EML6: variants seen among roughly 807,000 people sequenced by gnomAD.
The protein encoded by EML6 is echinoderm microtubule-associated protein-like 6.
In EML6, 154 loss-of-function variants were observed where a neutral mutation model predicts 240.1. The ratio of observed to expected loss-of-function variants is 0.64; its 90% CI spans 0.56 to 0.73. The LOEUF is 0.73. EML6 is among the 30% of genes least tolerant of loss of function. The pLI is 0.00. For missense variants in EML6, 2,964 were observed against 2,474.6 expected (o/e 1.20, Z -4.20); for synonymous variants, 1,148 against 899.0 (o/e 1.28, Z -4.95).
Position 54,962,724 on chromosome 2 carries a change from C to T in EML6, c.5157+13C>T, listed in dbSNP as rs1199106926. The stretch of plus-strand genomic sequence containing the variant: ...CCTGGCTGACAAGGTGAGGCCGACT[C>T]TGCCCAAACTCAGATGCCCACGAGT... On this transcript the variant is annotated intron_variant, in intron 36 of 41. Transcript: ENST00000356458. The T allele has an allele frequency of 1.4e-6, 2 of 1,459,712 alleles. No individual in the cohort carries two copies. Among genetic ancestry groups the T allele is most frequent in the Admixed American group, 2.7e-5 (1 of 36,608 alleles). The allele number at this position is 1,459,712 out of a possible 1,614,324, so 90.4% of individuals were successfully genotyped here. A position where few individuals can be genotyped will look rare whatever the true frequency, so the allele number is the denominator to read the frequency against.
chr2:54,906,302 G>C (rs773547215), intron 24 of EML6, among the ~76,000 whole-genome samples: 1 of 152,144 alleles, frequency 6.6e-6, no homozygotes, highest in Non-Finnish European at 1.5e-5. Flanking sequence ...AAATGTATAG[G>C]CCCTGTGTCA....
intron 2 of EML6, among the ~76,000 whole-genome samples, chr2:54,809,879 G>A (rs1464567568): frequency 6.6e-6 from 1 of 152,076 alleles, no homozygotes; most frequent in Admixed American, 6.6e-5. Flanking sequence ...GATGAGACAT[G>A]GATGCCATTT....
At chr2:54,734,253 G>A (rs1050198439) in intron 2 of EML6, among the ~76,000 whole-genome samples, 12 of 152,318 alleles carry the variant, frequency 7.9e-5, no homozygotes, top group East Asian at 7.7e-4. Context: ...CGGGAGAATC[G>A]TTTGAACCCA....
intron 26 of EML6, among the ~76,000 whole-genome samples, chr2:54,918,425 T>G (rs948226266): frequency 6.6e-6 from 1 of 152,240 alleles, no homozygotes; most frequent in African/African-American, 2.4e-5. Flanking sequence ...CACCGCTCAC[T>G]GCAGCCTCTA....
chr2:54,896,025 G>T (rs1328518432), intron 21 of EML6, among the ~76,000 whole-genome samples: 3 of 152,182 alleles, frequency 2.0e-5, no homozygotes, highest in African/African-American at 7.2e-5. Context: ...CACTCAAAGG[G>T]AGGTGATTAT....
At chr2:54,850,302 C>T (rs939406654) in intron 10 of EML6, 84 bp downstream of exon 10, 6 of 1,276,106 alleles carry the variant, frequency 4.7e-6, no homozygotes, top group Non-Finnish European at 5.4e-6. Flanking sequence ...TGTCATGGCT[C>T]TTTTAGAATT....
At chr2:54,849,240 A>G (rs1433433924) in intron 9 of EML6, among the ~76,000 whole-genome samples, 1 of 152,202 alleles carries the variant, frequency 6.6e-6, no homozygotes, top group East Asian at 1.9e-4. Flanking sequence ...TGGGCTATCC[A>G]TCACCTTAAA....
rs200439786 is a variant in EML6 at position 54,744,962 on chromosome 2, A to ACC, written c.197+19706_197+19707dup. ...CACACACACACACACACACACACAC[A>ACC]CCCTGCCATGCAGGCCTTCCCAGTG... On this transcript the variant is annotated intron_variant, in intron 2 of 41. Coordinates refer to ENST00000356458, the MANE Select transcript of EML6 (RefSeq NM_001039753.4). Among the ~76,000 whole-genome samples the ACC allele has an allele frequency of 9.0e-4, 77 of 86,028 alleles. 4 individuals carry two copies. The highest frequency in any genetic ancestry group is 2.9e-3 in the South Asian group (6 of 2,066). 56.4% of individuals were successfully genotyped at this position (86,028 alleles called of 152,430 possible). A position where few individuals can be genotyped will look rare whatever the true frequency, so the allele number is the denominator to read the frequency against.
chr2:54,839,510 G>C (rs1669329113), intron 7 of EML6, among the ~76,000 whole-genome samples: 1 of 152,208 alleles, frequency 6.6e-6, no homozygotes, highest in Admixed American at 6.5e-5. Context: ...AATGTTCACA[G>C]CTCATTAAGT....
At chr2:54,909,208 T>C (rs1673508931) in intron 24 of EML6, among the ~76,000 whole-genome samples, 1 of 152,242 alleles carries the variant, frequency 6.6e-6, no homozygotes, top group African/African-American at 2.4e-5. Context: ...GTCCACGTGC[T>C]TTGTCATTTG....
intron 25 of EML6, among the ~76,000 whole-genome samples, chr2:54,913,407 C>T (rs1033370711): frequency 2.0e-5 from 3 of 151,996 alleles, no homozygotes; most frequent in South Asian, 2.1e-4. Context: ...ACCACCATGC[C>T]CAGCTAATTC....
chr2:54,807,500 C>A (rs1163662795), intron 2 of EML6, among the ~76,000 whole-genome samples: 1 of 151,988 alleles, frequency 6.6e-6, no homozygotes, highest in Admixed American at 6.6e-5. Context: ...TAAATTAAGC[C>A]CTGATTTGTA....
At chr2:54,937,627 C>G (rs1300879455) in intron 28 of EML6, among the ~76,000 whole-genome samples, 1 of 149,646 alleles carries the variant, frequency 6.7e-6, no homozygotes, top group Non-Finnish European at 1.5e-5. Context: ...TGCCTTAGCT[C>G]CAACTTAGTG....
intron 37 of EML6, among the ~76,000 whole-genome samples, 185 bp from the exon 38 acceptor site, chr2:54,964,386 C>T (rs1676657928): frequency 6.6e-6 from 1 of 152,196 alleles, no homozygotes; most frequent in Non-Finnish European, 1.5e-5. Flanking sequence ...TACATATTTC[C>T]CGGGGATTCG....
chr2:54,921,280 T>C lies in EML6; in HGVS notation c.3675+4345T>C, dbSNP rs182140238. ...AGTTGTAGGATACAAAGCTAACATA[T>C]ACAATTCAATTACATTTTTATATAC... is the stretch of plus-strand genomic sequence containing the variant. On this transcript the variant is annotated intron_variant, in intron 26 of 41. Coordinates refer to ENST00000356458, the MANE Select transcript of EML6 (RefSeq NM_001039753.4). Among the ~76,000 whole-genome samples the C allele has an allele frequency of 1.3e-4, 20 of 152,234 alleles. No homozygotes were observed. In the East Asian group the frequency reaches 3.1e-3, roughly 24 times the overall value.
chr2:54,866,276 G>T (rs1306636700), intron 13 of EML6, among the ~76,000 whole-genome samples: 1 of 152,148 alleles, frequency 6.6e-6, no homozygotes, highest in Non-Finnish European at 1.5e-5. Context: ...ACAATCAGCA[G>T]CACGTTTTAG....
At chr2:54,845,389 AG>A (rs994237772) in intron 8 of EML6, among the ~76,000 whole-genome samples, 1 of 152,252 alleles carries the variant, frequency 6.6e-6, no homozygotes, top group African/African-American at 2.4e-5. Context: ...AGTGATTTCA[AG>A]GAAGTCCTTC....
intron 26 of EML6, among the ~76,000 whole-genome samples, chr2:54,926,373 A>G (rs886197889): frequency 1.6e-4 from 25 of 152,240 alleles, no homozygotes; most frequent in African/African-American, 5.8e-4. Flanking sequence ...AAGTGCTGGG[A>G]TTACAGGCAT....
At chr2:54,770,093 T>C (rs4671976) in intron 2 of EML6, among the ~76,000 whole-genome samples, 14,032 of 152,264 alleles carry the variant, frequency 0.092, 904 homozygotes, top group East Asian at 0.22. Flanking sequence ...TCTATCAGTA[T>C]ACTCAAATAT....
Sources: gnomAD v4.1 joint callset for allele counts (sites outside exome capture counted in the v4.1 genomes callset) on GRCh38, gnomAD v4.1.1 for gene constraint, MANE v1.5 for transcripts, NCBI Gene and HGNC (gene_info 2026-07-23, HGNC 2026-07-21) for gene names.